Variants in VSTM2B observed in about 807,000 individuals in gnomAD.
The protein encoded by VSTM2B is V-set and transmembrane domain-containing protein 2B.
A neutral mutation model predicts 24.0 loss-of-function variants in VSTM2B; 24 were observed. That is an observed-to-expected ratio of 1.00 (90% CI 0.72 to 1.40). VSTM2B has a LOEUF of 1.40. Among genes scored for constraint, VSTM2B ranks in the 40% most tolerant of loss-of-function variants. VSTM2B has a pLI of 0.00. For synonymous variants in VSTM2B, 226 were observed against 194.4 expected, an observed-to-expected ratio of 1.16 and a Z score of -1.35; for missense variants, 399 against 416.4, an observed-to-expected ratio of 0.96 and a Z score of 0.36.
chr19:29,543,361 G>A (rs1284062307), intron 4 of VSTM2B, among the ~76,000 whole-genome samples: 1 of 152,136 alleles, frequency 6.6e-6, no homozygotes, highest in Non-Finnish European at 1.5e-5. Flanking sequence ...ACTATCCCTG[G>A]GCAATTAAAA....
chr19:29,546,295 G>C (rs1393477143), intron 4 of VSTM2B, among the ~76,000 whole-genome samples: 1 of 152,196 alleles, frequency 6.6e-6, no homozygotes. Context: ...GGAGTGTGGA[G>C]ACAGGCAAGG....
chr19:29,527,430 C>T, intron 2 of VSTM2B, 35 bp downstream of exon 2: 1 of 1,426,850 alleles, frequency 7.0e-7, no homozygotes, highest in Non-Finnish European at 9.1e-7. Flanking sequence ...GGCGCGCGCC[C>T]GGCTCGCGCC....
chr19:29,540,577 A>G (rs1366965535), intron 4 of VSTM2B, among the ~76,000 whole-genome samples: 2 of 152,250 alleles, frequency 1.3e-5, no homozygotes, highest in Non-Finnish European at 2.9e-5. Context: ...TGATGCCCAC[A>G]GACAGCAGGC....
At chr19:29,528,530 C>T (rs1431856538) in intron 3 of VSTM2B, 68 bp downstream of exon 3, 35 of 1,538,168 alleles carry the variant, frequency 2.3e-5, no homozygotes, top group Admixed American at 4.0e-5. Flanking sequence ...GCAGCTCCCT[C>T]CCTTAGCAAG....
rs1237401166 is a variant in VSTM2B, at chr19:29,557,713, A to AT, written c.770-6133_770-6132insT. ...AAACTCCATCTCAAAAAAAAAAAAA[A>AT]GACTTAAATGTAAAACCCAAAACTA... On this transcript the variant is annotated intron_variant, in intron 4 of 4. Transcript: ENST00000335523. Among the ~76,000 whole-genome samples the AT allele has an allele frequency of 2.0e-5, 3 of 151,604 alleles. No individual in the cohort carries two copies. In the East Asian group the frequency reaches 5.8e-4, roughly 29 times the overall value.
chr19:29,528,461 GCGTAAGTGTGGAGCC>G lies in VSTM2B; in HGVS notation c.297+1_297+15del. On this transcript the variant is annotated splice_donor_variant and splice_donor_5th_base_variant and coding_sequence_variant and intron_variant, in exon 3 of 5. Transcript: ENST00000335523. LOFTEE classifies it high-confidence loss of function. ...ACAAATAAGGATGCAACTAAAATCA[GCGTAAGTGTGGAGCC>G]CAGCGCGGGCCGCGGGAGACCCCTT... The G allele has an allele frequency of 6.4e-7, 1 of 1,551,038 alleles. No homozygotes were observed. Among genetic ancestry groups the G allele is most frequent in the Non-Finnish European group, 8.7e-7 (1 of 1,146,968 alleles).
intron 4 of VSTM2B, among the ~76,000 whole-genome samples, chr19:29,530,675 A>G (rs1969734836): frequency 6.6e-6 from 1 of 152,090 alleles, no homozygotes; most frequent in Admixed American, 6.5e-5. Flanking sequence ...GAAATGAGCT[A>G]TCCCCAGATG....
chr19:29,533,593 A>C (rs1287557375), intron 4 of VSTM2B, among the ~76,000 whole-genome samples: 1 of 152,062 alleles, frequency 6.6e-6, no homozygotes, highest in Non-Finnish European at 1.5e-5. Flanking sequence ...CTGGGCACGG[A>C]AAATGGATGG....
chr19:29,526,888 C>A lies in VSTM2B; in HGVS notation c.82+223C>A. The stretch of plus-strand genomic sequence containing the variant: ...CCCAGTCCCGCCGGGGCCCCGGCTG[C>A]GGAAAGGATGCCTGCGGGGAGCGGG... On this transcript the variant is annotated intron_variant, in intron 1 of 4. Coordinates refer to ENST00000335523, the MANE Select transcript of VSTM2B (RefSeq NM_001146339.2). The surrounding 1 kb of genome is among the most constrained non-coding windows in gnomAD (Gnocchi z 4.1). 2.1e-6 allele frequency: 1 copy of A among 469,674 alleles called. No homozygotes were observed. 29.1% of individuals were successfully genotyped at this position (469,674 alleles called of 1,614,324 possible). A position where few individuals can be genotyped will look rare whatever the true frequency, so the allele number is the denominator to read the frequency against.
chr19:29,562,435 A>G (rs1206896562), intron 4 of VSTM2B, among the ~76,000 whole-genome samples: 1 of 152,126 alleles, frequency 6.6e-6, no homozygotes, highest in African/African-American at 2.4e-5. Flanking sequence ...GGTGGAGTGA[A>G]AGCAGCCGAG....
intron 4 of VSTM2B, among the ~76,000 whole-genome samples, chr19:29,557,602 G>A (rs544022096): frequency 1.3e-5 from 2 of 152,196 alleles, no homozygotes; most frequent in Non-Finnish European, 1.5e-5. Context: ...AGGGCGCTGA[G>A]GCAGGAGAAT....
intron 4 of VSTM2B, among the ~76,000 whole-genome samples, chr19:29,562,662 C>T (rs966623432): frequency 2.6e-5 from 4 of 152,196 alleles, no homozygotes; most frequent in Non-Finnish European, 5.9e-5. Flanking sequence ...CACCAAGGAT[C>T]GTGCAGGGTG....
intron 4 of VSTM2B, among the ~76,000 whole-genome samples, chr19:29,542,399 A>G (rs1041067289): frequency 5.9e-5 from 9 of 151,514 alleles, no homozygotes; most frequent in South Asian, 2.1e-4. Context: ...GGGTGGATGG[A>G]TGGGAGAATG....
intron 4 of VSTM2B, among the ~76,000 whole-genome samples, chr19:29,550,784 C>T (rs1970262979): frequency 6.6e-6 from 1 of 151,914 alleles, no homozygotes; most frequent in African/African-American, 2.4e-5. Flanking sequence ...GTGTGTAGAG[C>T]CAGACCTCAA....
At position 29,551,338 on chromosome 19, in the gene VSTM2B, G is replaced by A. The variant is rs1970281301; in HGVS notation, c.770-12508G>A. On this transcript the variant is annotated intron_variant, in intron 4 of 4. Coordinates refer to ENST00000335523, the MANE Select transcript of VSTM2B (RefSeq NM_001146339.2). ...TACTTTTAGCACAAGGCATGAAATG[G>A]CTTGAGAGCTGCCATATTGCTTTCT... Among the ~76,000 whole-genome samples the A allele has an allele frequency of 1.3e-5, 2 of 152,106 alleles. 1 individual carries two copies. Among genetic ancestry groups the A allele is most frequent in the South Asian group, 4.1e-4 (2 of 4,828 alleles).
intron 4 of VSTM2B, among the ~76,000 whole-genome samples, chr19:29,532,201 T>C (rs1277011079): frequency 6.6e-6 from 1 of 152,156 alleles, no homozygotes; most frequent in African/African-American, 2.4e-5. Flanking sequence ...GGCAAGGCGT[T>C]TTTTAAGGGC....
intron 4 of VSTM2B, among the ~76,000 whole-genome samples, chr19:29,557,586 C>G (rs1970438482): frequency 6.6e-6 from 1 of 151,948 alleles, no homozygotes; most frequent in South Asian, 2.1e-4. Context: ...GTAATCCCAG[C>G]TACTCAGGGC....
chr19:29,533,782 A>T (rs1969818990), intron 4 of VSTM2B, among the ~76,000 whole-genome samples: 1 of 152,224 alleles, frequency 6.6e-6, no homozygotes, highest in Non-Finnish European at 1.5e-5. Flanking sequence ...GTAGGGCTGC[A>T]TCACCAGCCA....
intron 4 of VSTM2B, among the ~76,000 whole-genome samples, chr19:29,562,379 T>C (rs1970549560): frequency 6.6e-6 from 1 of 152,058 alleles, no homozygotes; most frequent in African/African-American, 2.4e-5. Context: ...AAGCCTCAAG[T>C]CTCTGTTTAT....
Sources: allele counts gnomAD v4.1 joint callset (sites outside exome capture counted in the v4.1 genomes callset), GRCh38; gene constraint gnomAD v4.1.1; non-coding constraint Gnocchi (gnomAD v3.1); transcripts MANE v1.5; gene names NCBI Gene and HGNC (gene_info 2026-07-23, HGNC 2026-07-21).